SORCS3: variants seen among roughly 807,000 people sequenced by gnomAD.
The protein encoded by SORCS3 is VPS10 domain-containing receptor SorCS3.
In SORCS3, 57 loss-of-function variants were observed where a neutral mutation model predicts 146.3. The observed-to-expected ratio is 0.39, with a 90% CI of 0.31 to 0.49. SORCS3 has a LOEUF of 0.49. Among genes scored for constraint, SORCS3 ranks in the 20% least tolerant of loss-of-function variants. SORCS3 has a pLI of 0.92. For missense variants in SORCS3, 1,341 were observed against 1,575.5 expected, an observed-to-expected ratio of 0.85 and a Z score of 2.52; for synonymous variants, 653 against 618.5, an observed-to-expected ratio of 1.06 and a Z score of -0.83.
chr10:104,803,164 T>C (rs1589504949), intron 1 of SORCS3, among the ~76,000 whole-genome samples: 1 of 152,318 alleles, frequency 6.6e-6, no homozygotes, highest in South Asian at 2.1e-4. Context: ...CACATTTCAC[T>C]GGATAAAAAG....
chr10:104,956,348 C>A (rs934110902), intron 3 of SORCS3, among the ~76,000 whole-genome samples: 2 of 152,162 alleles, frequency 1.3e-5, no homozygotes, highest in Non-Finnish European at 2.9e-5. Flanking sequence ...TGTTTATCAG[C>A]CTTTACATTG....
chr10:104,658,515 C>A (rs1355458767), intron 1 of SORCS3, among the ~76,000 whole-genome samples: 1 of 152,122 alleles, frequency 6.6e-6, no homozygotes, highest in African/African-American at 2.4e-5. Context: ...TCACTTGGCT[C>A]AGTTTGTATT....
At chr10:105,198,678 G>T (rs1001072415) in intron 14 of SORCS3, among the ~76,000 whole-genome samples, 1 of 152,146 alleles carries the variant, frequency 6.6e-6, no homozygotes, top group African/African-American at 2.4e-5. Context: ...AGTGTCAGCT[G>T]CATATGTTGG....
chr10:104,763,725 C>T (rs547243450), intron 1 of SORCS3, among the ~76,000 whole-genome samples: 1 of 152,242 alleles, frequency 6.6e-6, no homozygotes, highest in South Asian at 2.1e-4. Flanking sequence ...GGCTGTGTCT[C>T]CACCCAAAAT....
chr10:105,121,741 A>T (rs1227659475), intron 7 of SORCS3, among the ~76,000 whole-genome samples: 1 of 152,178 alleles, frequency 6.6e-6, no homozygotes, highest in African/African-American at 2.4e-5. Flanking sequence ...AATACAATGT[A>T]TTCATGCCTG....
chr10:105,051,756 G>T (rs1031239981), intron 5 of SORCS3, among the ~76,000 whole-genome samples: 1 of 152,132 alleles, frequency 6.6e-6, no homozygotes, highest in African/African-American at 2.4e-5. Flanking sequence ...TAAGGGATCA[G>T]ATTTTAAGGC....
In SORCS3 at chr10:104,804,900, A is replaced by G. The variant is rs543273730; in HGVS notation, c.628-37892A>G. On this transcript the variant is annotated intron_variant, in intron 1 of 26. Transcript: ENST00000369701. ...TTAGGAAAGGGTGGACTCTAGCTAG[A>G]TACTCTGAGGTTTCATTCATTCACT... Among the ~76,000 whole-genome samples, 19 of 152,292 alleles carry G rather than the reference A, an allele frequency of 1.2e-4. No homozygotes were observed. In the South Asian group the frequency reaches 3.9e-3, roughly 32 times the overall value.
At chr10:104,956,700 G>A (rs1172047551) in intron 3 of SORCS3, among the ~76,000 whole-genome samples, 1 of 151,882 alleles carries the variant, frequency 6.6e-6, no homozygotes, top group Non-Finnish European at 1.5e-5. Context: ...TCTCATCTGT[G>A]TGTTCCCTGT....
At chr10:105,069,969 TATG>T (rs1294039699) in intron 5 of SORCS3, among the ~76,000 whole-genome samples, 1 of 152,170 alleles carries the variant, frequency 6.6e-6, no homozygotes, top group Non-Finnish European at 1.5e-5. Flanking sequence ...TGAAAGTAAT[TATG>T]ATATCAGGCT....
intron 4 of SORCS3, among the ~76,000 whole-genome samples, chr10:105,003,669 C>A (rs779940882): frequency 6.6e-6 from 1 of 152,148 alleles, no homozygotes; most frequent in Non-Finnish European, 1.5e-5. Context: ...GCTTTTCCAG[C>A]GTCCTAGCAG....
At chr10:105,023,329 T>C (rs2133690317) in intron 4 of SORCS3, among the ~76,000 whole-genome samples, 1 of 152,308 alleles carries the variant, frequency 6.6e-6, no homozygotes, top group South Asian at 2.1e-4. Context: ...AATCCCCCAA[T>C]TCCTGTCTGC....
chr10:105,068,903 T>G (rs982380106), intron 5 of SORCS3, among the ~76,000 whole-genome samples: 2 of 152,228 alleles, frequency 1.3e-5, no homozygotes, highest in Non-Finnish European at 2.9e-5. Flanking sequence ...AAGAGATATA[T>G]TGAATGTAAA....
At chr10:104,805,416 A>T (rs934525778) in intron 1 of SORCS3, among the ~76,000 whole-genome samples, 1 of 152,216 alleles carries the variant, frequency 6.6e-6, no homozygotes, top group Admixed American at 6.5e-5. Flanking sequence ...TAGTTAGGAA[A>T]TCTCAAATTT....
At chr10:104,823,382 A>T (rs1589512917) in intron 1 of SORCS3, among the ~76,000 whole-genome samples, 1 of 152,150 alleles carries the variant, frequency 6.6e-6, no homozygotes, top group African/African-American at 2.4e-5. Flanking sequence ...AACTTCTTGG[A>T]TATCTCTGAG....
intron 22 of SORCS3, among the ~76,000 whole-genome samples, chr10:105,248,420 T>G (rs2056879812): frequency 6.6e-6 from 1 of 152,116 alleles, no homozygotes; most frequent in South Asian, 2.1e-4. Flanking sequence ...GGATGGTGTT[T>G]GAATGAGCAG....
At chr10:105,036,122 G>A (rs1247685462) in intron 4 of SORCS3, among the ~76,000 whole-genome samples, 1 of 152,158 alleles carries the variant, frequency 6.6e-6, no homozygotes, top group African/African-American at 2.4e-5. Flanking sequence ...TTTGTAGGAA[G>A]ATGAGATCAT....
Position 105,262,480 on chromosome 10 carries a change from C to T in SORCS3, c.3593C>T (p.Thr1198Met), listed in dbSNP as rs139206461. ...GAGCTGCTGGACAAAGAGCTGGACA[C>T]GCGGGTCATAGGTACATGCTCCTGC... ...PEELLDKELD[T>M]RVIGGIATIA... The change falls in exon 26 of 27, where the codon ACG becomes ATG. Residue 1198 changes from threonine to methionine, a missense_variant. Thr to Met is a moderately conservative substitution (Grantham distance 81). Coordinates refer to ENST00000369701, the MANE Select transcript of SORCS3 (RefSeq NM_014978.3). The T allele has an allele frequency of 1.4e-5, 23 of 1,613,368 alleles. No homozygotes were observed. The highest frequency in any genetic ancestry group is 5.5e-5 in the South Asian group (5 of 91,066).
intron 3 of SORCS3, among the ~76,000 whole-genome samples, chr10:104,923,566 G>A (rs1398551180): frequency 2.0e-5 from 3 of 152,136 alleles, no homozygotes; most frequent in Admixed American, 6.5e-5. Flanking sequence ...AGCATCACAC[G>A]CATTACCCAG....
At chr10:104,904,021 T>C (rs1448183052) in intron 2 of SORCS3, among the ~76,000 whole-genome samples, 1 of 152,234 alleles carries the variant, frequency 6.6e-6, no homozygotes, top group East Asian at 1.9e-4. Flanking sequence ...GTCAATATTG[T>C]AAATTTTTCT....
Sources: allele counts gnomAD v4.1 joint callset (sites outside exome capture counted in the v4.1 genomes callset), GRCh38; gene constraint gnomAD v4.1.1; transcripts MANE v1.5; gene names NCBI Gene and HGNC (gene_info 2026-07-23, HGNC 2026-07-21).